GAPVD1: variants seen among roughly 807,000 people sequenced by gnomAD.
GAPVD1 encodes GTPase activating protein and VPS9 domains 1, also known as GTPase-activating protein and VPS9 domain-containing protein 1.
GAPVD1 carries 35 observed loss-of-function variants against 155.5 expected under a neutral mutation model. The ratio of observed to expected loss-of-function variants is 0.23; its 90% confidence interval spans 0.17 to 0.30. The LOEUF is 0.30. GAPVD1 is among the 10% of genes least tolerant of loss of function. The pLI is 1.00. For synonymous variants in GAPVD1, 636 were observed against 619.7 expected, an observed-to-expected ratio of 1.03 and a Z score of -0.39; for missense variants, 1,429 against 1,775.7, an observed-to-expected ratio of 0.80 and a Z score of 3.51.
intron 2 of GAPVD1, among the ~76,000 whole-genome samples, chr9:125,280,417 A>G (rs1355504737): frequency 1.3e-5 from 2 of 151,308 alleles, no homozygotes; most frequent in African/African-American, 4.8e-5. Context: ...AAAAAAAAAA[A>G]AAAGAATAAA....
rs1005812526 is a variant in GAPVD1, at chr9:125,364,017, T to C, written c.*1271T>C. 3.9e-5 allele frequency: 6 copies of C among 152,620 alleles called. No individual in the cohort carries two copies. Among genetic ancestry groups the C allele is most frequent in the Admixed American group, 1.3e-4 (2 of 15,254 alleles). The allele number at this position is 152,620 out of a possible 1,614,324, so 9.5% of individuals were successfully genotyped here. On this transcript the variant is annotated 3_prime_UTR_variant, in exon 28 of 28. Transcript: ENST00000297933. ...ACAAGTCTTGTACATGGGCCATCAC[T>C]GTCTGGTTTCACTTCGTGTGTTTCC...
intron 2 of GAPVD1, among the ~76,000 whole-genome samples, chr9:125,274,533 G>A (rs895453678): frequency 6.8e-6 from 1 of 146,554 alleles, no homozygotes; most frequent in South Asian, 2.1e-4. Flanking sequence ...GTGCAATCTC[G>A]GCTCACTGCA....
intron 2 of GAPVD1, among the ~76,000 whole-genome samples, chr9:125,271,094 C>T (rs1476019604): frequency 6.6e-6 from 1 of 151,936 alleles, no homozygotes. Flanking sequence ...TAATTTAATT[C>T]TAATACTCTT....
chr9:125,327,183 C>T lies in GAPVD1; in HGVS notation c.2032+594C>T, dbSNP rs144254119. Among the ~76,000 whole-genome samples the T allele has an allele frequency of 8.1e-3, 1,230 of 151,944 alleles. 10 individuals are homozygous for T. Among genetic ancestry groups the T allele is most frequent in the Non-Finnish European group, 0.012 (814 of 67,954 alleles). On this transcript the variant is annotated intron_variant, in intron 12 of 27. Coordinates refer to ENST00000297933, the MANE Select transcript of GAPVD1 (RefSeq NM_001282680.3). ...TCTTGAACTAATGAGCTCAAGTGAT[C>T]CTCCTGCCTTCTTTTTTTTTAATGT...
chr9:125,264,229 C>T (rs1833451505), intron 1 of GAPVD1: 2 of 592,474 alleles, frequency 3.4e-6, no homozygotes, highest in Non-Finnish European at 6.1e-6. Context: ...GAGTCTGGCT[C>T]TGTTGCCTAG....
intron 11 of GAPVD1, among the ~76,000 whole-genome samples, chr9:125,324,135 A>G (rs889045337): frequency 3.3e-5 from 5 of 152,200 alleles, no homozygotes; most frequent in Admixed American, 6.5e-5. Context: ...ATTACTTGAA[A>G]TTCAGTAATA....
intron 12 of GAPVD1, among the ~76,000 whole-genome samples, chr9:125,328,566 G>A (rs1215080828): frequency 2.7e-5 from 4 of 145,852 alleles, no homozygotes; most frequent in East Asian, 2.0e-4. Context: ...TTTTCTTAGT[G>A]CAGAACAAAA....
intron 2 of GAPVD1, among the ~76,000 whole-genome samples, chr9:125,271,240 C>T (rs901196297): frequency 6.6e-5 from 10 of 151,966 alleles, no homozygotes; most frequent in South Asian, 2.1e-4. Context: ...GATGTCTGTC[C>T]GAAAAGGTGC....
intron 2 of GAPVD1, among the ~76,000 whole-genome samples, chr9:125,280,855 G>A (rs879869672): frequency 3.3e-5 from 5 of 152,058 alleles, no homozygotes; most frequent in Admixed American, 6.6e-5. Flanking sequence ...GATTACAGGC[G>A]TGAGTCAACG....
chr9:125,321,168 TA>T (rs1844283239), intron 9 of GAPVD1, among the ~76,000 whole-genome samples: 2 of 152,314 alleles, frequency 1.3e-5, no homozygotes, highest in East Asian at 3.9e-4. Context: ...CTGATTTGTA[TA>T]ATTCTCACCA....
intron 2 of GAPVD1, among the ~76,000 whole-genome samples, chr9:125,279,265 A>G (rs930569877): frequency 2.0e-5 from 3 of 151,822 alleles, no homozygotes; most frequent in Non-Finnish European, 4.4e-5. Flanking sequence ...ATTAATGTGA[A>G]TATTACATAA....
At chr9:125,266,359 G>A (rs1833969484) in intron 1 of GAPVD1, among the ~76,000 whole-genome samples, 1 of 151,668 alleles carries the variant, frequency 6.6e-6, no homozygotes, top group African/African-American at 2.4e-5. Flanking sequence ...TGTCGCCCAG[G>A]CTGGAGTGCA....
rs752115913 is a variant in GAPVD1, at chr9:125,302,632, A to G, written c.835A>G (p.Ser279Gly). ...LKQNTYCFPH[S>G]LRWIVSQMYK... ...ACAGAACACATATTGTTTTCCACATAGTTTAAGGTGGATCGTGTCTCAGAT... is the reference window on the plus strand; with the variant it reads ...ACAGAACACATATTGTTTTCCACATGGTTTAAGGTGGATCGTGTCTCAGAT... The change falls in exon 5 of 28, where the codon AGT becomes GGT. Residue 279 changes from serine (S) to glycine (G), a missense_variant. Coordinates refer to ENST00000297933, the MANE Select transcript of GAPVD1 (RefSeq NM_001282680.3). The G allele has an allele frequency of 1.9e-6, 3 of 1,613,914 alleles. No homozygotes were observed. The highest frequency in any genetic ancestry group is 2.2e-5 in the East Asian group (1 of 44,866).
intron 2 of GAPVD1, among the ~76,000 whole-genome samples, chr9:125,293,648 AAT>A (rs1355721855): frequency 1.2e-4 from 16 of 128,796 alleles, no homozygotes; most frequent in African/African-American, 3.6e-4. Flanking sequence ...ATAATATAAA[AAT>A]ATATATATTA....
At chr9:125,285,550 T>C (rs1049434070) in intron 2 of GAPVD1, among the ~76,000 whole-genome samples, 20 of 149,744 alleles carry the variant, frequency 1.3e-4, no homozygotes, top group Admixed American at 1.4e-4. Context: ...TCTCCTGCCT[T>C]CTGGGTTCAA....
chr9:125,355,537 A>G (rs1254587727), intron 24 of GAPVD1, 107 bp from the exon 25 acceptor site: 2 of 687,602 alleles, frequency 2.9e-6, no homozygotes, highest in Non-Finnish European at 2.4e-6. Flanking sequence ...CTTTAAGATC[A>G]TGGTGTCTGC....
chr9:125,331,030 T>G (rs1845993974), intron 13 of GAPVD1, among the ~76,000 whole-genome samples: 1 of 152,206 alleles, frequency 6.6e-6, no homozygotes, highest in Non-Finnish European at 1.5e-5. Flanking sequence ...TAAAGTGTTT[T>G]GTACTTTGTC....
chr9:125,337,386 A>G lies in GAPVD1; in HGVS notation c.2672A>G (p.His891Arg). Reference protein sequence around the residue: ...PAEMEAFKQRHSYPERLVRSR... With the variant: ...PAEMEAFKQRRSYPERLVRSR... ...GAAATGGAGGCATTCAAGCAAAGGC[A>G]TTCTTACCCTGAGAGACTAGTTCGA... Residue 891 changes from histidine to arginine, a missense_variant, in exon 17 of 28, where the codon CAT (histidine) becomes CGT (arginine). Physicochemically the swap from His to Arg is conservative, Grantham distance 29. Around this residue, in one of 4 missense-constraint regions of GAPVD1, gnomAD observed 699 missense variants for 826.0 expected, o/e 0.85. Coordinates refer to ENST00000297933, the MANE Select transcript of GAPVD1 (RefSeq NM_001282680.3). 1 of 1,614,170 alleles carries G rather than the reference A, an allele frequency of 6.2e-7. No homozygotes were observed. The highest frequency in any genetic ancestry group is 8.5e-7 in the Non-Finnish European group (1 of 1,180,012).
chr9:125,362,886 T>C lies in GAPVD1; in HGVS notation c.*140T>C, dbSNP rs1851137025. 2 of 610,680 alleles carry C rather than the reference T, an allele frequency of 3.3e-6. No individual in the cohort carries two copies. The allele number at this position is 610,680 out of a possible 1,614,324, so 37.8% of individuals were successfully genotyped here. ...CAGGCATTTTAAAGCAGATCTTTAC[T>C]AAACAGGTTAATGAGCTAACAAGCA... is the stretch of plus-strand genomic sequence containing the variant. On this transcript the variant is annotated 3_prime_UTR_variant, in exon 28 of 28. Coordinates refer to ENST00000297933, the MANE Select transcript of GAPVD1 (RefSeq NM_001282680.3).
Sources: allele counts gnomAD v4.1 joint callset (sites outside exome capture counted in the v4.1 genomes callset), GRCh38; gene constraint gnomAD v4.1.1; regional missense constraint gnomAD v4.1.1; transcripts MANE v1.5; gene names NCBI Gene and HGNC (gene_info 2026-07-23, HGNC 2026-07-21).